The following CELF2 variants were observed in gnomAD, a reference collection of about 807,000 sequenced individuals.
The protein encoded by CELF2 is CUG triplet repeat RNA-binding protein 2.
In CELF2, 8 loss-of-function variants were observed where a neutral mutation model predicts 62.6. That is an observed-to-expected ratio of 0.13 (90% confidence interval 0.07 to 0.23). The LOEUF is 0.23. CELF2 is among the 10% of genes least tolerant of loss of function. The pLI, the probability that CELF2 is intolerant of heterozygous loss-of-function variation, is 1.00. For missense variants in CELF2, 333 were observed against 671.0 expected (o/e 0.50, Z 5.56); for synonymous variants, 258 against 250.0 (o/e 1.03, Z -0.30).
the CELF2 span, among the ~76,000 whole-genome samples, chr10:10,531,463 A>G: frequency 6.6e-6 from 1 of 152,214 alleles, no homozygotes; most frequent in Non-Finnish European, 1.5e-5. Context: ...AAACAGTTCT[A>G]TGAAGGGAAA....
In CELF2 at chr10:10,928,270, A is replaced by G. The variant is rs1564834180; in HGVS notation, c.89+8271A>G. ...GGACCCTGAACAGAACTGGCAGTCA[A>G]TAAATGTTTGTTGAATGACTATATG... is the stretch of plus-strand genomic sequence containing the variant. On this transcript the variant is annotated intron_variant, in intron 2 of 13. Coordinates refer to the CELF2 transcript ENST00000636488. This position sits in a 1 kb window ranked among gnomAD's most constrained non-coding sequence, Gnocchi z 4.8. 6.6e-6 allele frequency among the ~76,000 whole-genome samples: 1 copy of G among 152,182 alleles called. No homozygotes were observed. The highest frequency in any genetic ancestry group is 1.5e-5 in the Non-Finnish European group (1 of 68,040).
Position 11,318,374 on chromosome 10 carries a change from T to C in CELF2, c.1097-2815T>C, listed in dbSNP as rs2095199692. On this transcript the variant is annotated intron_variant, in intron 10 of 12. Coordinates refer to ENST00000633077, the MANE Select transcript of CELF2 (RefSeq NM_001326342.2). The surrounding 1 kb of genome is among the most constrained non-coding windows in gnomAD (Gnocchi z 5.4). ...CTGGAGAGGCCAAACCCTCCCCGTG[T>C]CCCCTGACTGGTCCCCCTTGAGCAT... The C allele has an allele frequency of 4.9e-6, 1 of 206,026 alleles. No individual in the cohort carries two copies. The allele number at this position is 206,026 out of a possible 1,614,324, so 12.8% of individuals were successfully genotyped here.
Position 11,321,656 on chromosome 10 carries a change from A to G in CELF2, c.1294+270A>G, listed in dbSNP as rs986086761. On this transcript the variant is annotated intron_variant, in intron 11 of 12. Coordinates refer to ENST00000633077, the MANE Select transcript of CELF2 (RefSeq NM_001326342.2). The surrounding 1 kb of genome is among the most constrained non-coding windows in gnomAD (Gnocchi z 6.2). ...GCCATGGTCATGCCTGTGACTAGCC[A>G]CTGCACTCCATTCGGGGAACACAGA... Among the ~76,000 whole-genome samples, 1 of 152,180 alleles carries G rather than the reference A, an allele frequency of 6.6e-6. No homozygotes were observed. Among genetic ancestry groups the G allele is most frequent in the Admixed American group, 6.5e-5 (1 of 15,284 alleles).
chr10:11,332,978 G>C lies in CELF2; in HGVS notation c.*3925G>C, dbSNP rs1366259439. The C allele has an allele frequency of 2.0e-5, 3 of 152,560 alleles. No homozygotes were observed. Among genetic ancestry groups the C allele is most frequent in the Non-Finnish European group, 4.4e-5 (3 of 68,038 alleles). 9.5% of individuals were successfully genotyped at this position (152,560 alleles called of 1,614,324 possible). On this transcript the variant is annotated 3_prime_UTR_variant, in exon 13 of 13. Transcript: ENST00000633077. ...GTACCACGTACGTGGAAACACAAGAGCCCACCACTTGAATTTCTAAGACCA... is the reference window on the plus strand; with the variant it reads ...GTACCACGTACGTGGAAACACAAGACCCCACCACTTGAATTTCTAAGACCA...
the CELF2 span, among the ~76,000 whole-genome samples, chr10:10,654,061 A>G: frequency 6.7e-6 from 1 of 149,444 alleles, no homozygotes; most frequent in Non-Finnish European, 1.5e-5. Context: ...ACAGAAATAC[A>G]AACTACCATC....
intron 2 of CELF2, among the ~76,000 whole-genome samples, chr10:10,965,811 T>C (rs1459894955): frequency 1.3e-5 from 2 of 152,200 alleles, no homozygotes; most frequent in African/African-American, 4.8e-5. Flanking sequence ...AACTGATTAA[T>C]GAGAATAATA....
chr10:10,903,173 C>A (rs1340004441), intron 1 of CELF2, among the ~76,000 whole-genome samples: 2 of 152,140 alleles, frequency 1.3e-5, no homozygotes, highest in Admixed American at 6.5e-5. Context: ...GTGACCTGTT[C>A]CACTGGAATG....
rs200039738 is a variant in CELF2 at position 11,270,620 on chromosome 10, G to A, written c.619-46G>A. Reference sequence around the variant, plus strand: ...GTGCTGAGTGTCGTGAGCGGATTCCGCCAGCCTGTAACCCCCTCTCCACTT... The same window carrying A: ...GTGCTGAGTGTCGTGAGCGGATTCCACCAGCCTGTAACCCCCTCTCCACTT... On this transcript the variant is annotated intron_variant, in intron 6 of 12. Coordinates refer to ENST00000633077, the MANE Select transcript of CELF2 (RefSeq NM_001326342.2). The surrounding 1 kb of genome is among the most constrained non-coding windows in gnomAD (Gnocchi z 5.8). 4.3e-4 allele frequency: 587 copies of A among 1,373,732 alleles called. 2 individuals carry two copies. Among genetic ancestry groups the A allele is most frequent in the South Asian group, 1.7e-3 (86 of 51,392 alleles). 85.1% of individuals were successfully genotyped at this position (1,373,732 alleles called of 1,614,324 possible).
chr10:10,574,595 G>T, the CELF2 span, among the ~76,000 whole-genome samples: 1 of 152,172 alleles, frequency 6.6e-6, no homozygotes, highest in African/African-American at 2.4e-5. Context: ...GTGACAAACA[G>T]GAAAGAAAGC....
At chr10:10,911,594 C>T (rs1393678011) in intron 1 of CELF2, among the ~76,000 whole-genome samples, 1 of 152,228 alleles carries the variant, frequency 6.6e-6, no homozygotes, top group Non-Finnish European at 1.5e-5. Flanking sequence ...GGGATTTGTG[C>T]ATGGGAGACC....
At chr10:10,586,504 A>C in the CELF2 span, among the ~76,000 whole-genome samples, 1 of 152,200 alleles carries the variant, frequency 6.6e-6, no homozygotes, top group Non-Finnish European at 1.5e-5. Flanking sequence ...TTTACAAATT[A>C]AAAAGATGTT....
the CELF2 span, among the ~76,000 whole-genome samples, chr10:10,736,396 CTTT>C: frequency 6.3e-4 from 48 of 75,986 alleles, no homozygotes; most frequent in Middle Eastern, 6.9e-3. Flanking sequence ...TTCTTTCTTT[CTTT>C]TTTTTTTTTT....
At chr10:10,999,669 A>G (rs1367829654) in intron 2 of CELF2, among the ~76,000 whole-genome samples, 2 of 152,212 alleles carry the variant, frequency 1.3e-5, no homozygotes, top group African/African-American at 4.8e-5. Context: ...TCTTTCCTAC[A>G]CCATCTGGGT....
At chr10:10,908,275 A>G (rs1250425472) in intron 1 of CELF2, among the ~76,000 whole-genome samples, 3 of 123,016 alleles carry the variant, frequency 2.4e-5, no homozygotes, top group African/African-American at 9.4e-5. Flanking sequence ...GCTGGAGTGC[A>G]GTGGCACAAT....
At chr10:10,837,830 A>G (rs1010263608) in intron 1 of CELF2, among the ~76,000 whole-genome samples, 1 of 151,880 alleles carries the variant, frequency 6.6e-6, no homozygotes, top group Non-Finnish European at 1.5e-5. Flanking sequence ...TTTTTTTTCC[A>G]CTTTAGTTAT....
At chr10:10,706,545 T>G in the CELF2 span, among the ~76,000 whole-genome samples, 1 of 152,086 alleles carries the variant, frequency 6.6e-6, no homozygotes, top group Non-Finnish European at 1.5e-5. Flanking sequence ...CACTCAAGGA[T>G]GGGAAGAAAA....
intron 1 of CELF2, among the ~76,000 whole-genome samples, chr10:10,894,859 A>G (rs1479558991): frequency 4.6e-5 from 7 of 152,174 alleles, no homozygotes; most frequent in Non-Finnish European, 4.4e-5. Flanking sequence ...TAAACCGGAA[A>G]ATGTCTGTCC....
exon 1 of CELF2, chr10:10,798,662 G>T: frequency 5.0e-6 from 2 of 398,412 alleles, no homozygotes; most frequent in Non-Finnish European, 8.8e-6. Context: ...AGGGAGCCGC[G>T]GGGCGCCAGG....
At chr10:10,540,480 C>T in the CELF2 span, among the ~76,000 whole-genome samples, 1 of 152,178 alleles carries the variant, frequency 6.6e-6, no homozygotes, top group Admixed American at 6.5e-5. Context: ...CTGGCTTTGC[C>T]TTTTCACAGA....
Sources: gnomAD v4.1 joint callset for allele counts (sites outside exome capture counted in the v4.1 genomes callset) on GRCh38, gnomAD v4.1.1 for gene constraint, Gnocchi (gnomAD v3.1) non-coding constraint, MANE v1.5 for transcripts, NCBI Gene and HGNC (gene_info 2026-07-23, HGNC 2026-07-21) for gene names.